LDLRAD4: variants seen among roughly 807,000 people sequenced by gnomAD.
The protein encoded by LDLRAD4 is low density lipoprotein receptor class A domain containing 4, also known as low-density lipoprotein receptor class A domain-containing protein 4.
A neutral mutation model predicts 17.0 loss-of-function variants in LDLRAD4; 5 were observed. The ratio of observed to expected loss-of-function variants is 0.29; its 90% CI spans 0.15 to 0.62. The LOEUF is 0.62. Among genes scored for constraint, LDLRAD4 ranks in the 20% least tolerant of loss-of-function variants. The pLI, the probability that LDLRAD4 is intolerant of heterozygous loss-of-function variation, is 0.84. For synonymous variants in LDLRAD4, 168 were observed against 171.8 expected (o/e 0.98, Z 0.17); for missense variants, 340 against 424.7 (o/e 0.80, Z 1.75).
chr18:13,504,005 GTCC>G (rs1392472925), intron 3 of LDLRAD4, among the ~76,000 whole-genome samples: 1 of 152,066 alleles, frequency 6.6e-6, no homozygotes, highest in East Asian at 1.9e-4. Flanking sequence ...AACTCATGTA[GTCC>G]TCCTCACAGC....
In LDLRAD4 at chr18:13,443,241, G is replaced by A. The variant is rs77426628; in HGVS notation, c.181+4857G>A. ...TCCGAAACCAGCTCTTCCCACCTTC[G>A]TCATTTTTTCTCCCAAAGAGACTGG... On this transcript the variant is annotated intron_variant, in intron 3 of 5. Transcript: ENST00000359446. Among the ~76,000 whole-genome samples, 9 of 152,090 alleles carry A rather than the reference G, an allele frequency of 5.9e-5. No individual in the cohort carries two copies. The South Asian group carries it at 1.2e-3, about 21-fold the overall frequency.
intron 2 of LDLRAD4, among the ~76,000 whole-genome samples, chr18:13,424,342 G>C (rs1017386008): frequency 2.0e-5 from 3 of 152,130 alleles, no homozygotes; most frequent in African/African-American, 7.2e-5. Context: ...TTCTTCTTTA[G>C]CTTGTGTGTC....
At chr18:13,599,625 G>A (rs1809660262) in intron 3 of LDLRAD4, among the ~76,000 whole-genome samples, 1 of 151,700 alleles carries the variant, frequency 6.6e-6, no homozygotes, top group Non-Finnish European at 1.5e-5. Context: ...TGAGTGGCTG[G>A]GACTACAGGC....
intron 1 of LDLRAD4, among the ~76,000 whole-genome samples, chr18:13,315,656 C>T (rs1253777712): frequency 2.8e-5 from 4 of 141,586 alleles, no homozygotes; most frequent in African/African-American, 5.5e-5. Context: ...TGGTGGCACA[C>T]GTCTGTAATC....
At chr18:13,586,962 G>A (rs909147617) in intron 3 of LDLRAD4, among the ~76,000 whole-genome samples, 5 of 152,118 alleles carry the variant, frequency 3.3e-5, no homozygotes, top group African/African-American at 1.2e-4. Context: ...AAAGGGGTTG[G>A]GAGTTCCAAG....
intron 4 of LDLRAD4, chr18:13,642,633 G>A: frequency 8.1e-7 from 1 of 1,231,038 alleles, no homozygotes; most frequent in Non-Finnish European, 1.0e-6. Context: ...CTCTGCTGGA[G>A]GCCGGGCAGG....
intron 1 of LDLRAD4, among the ~76,000 whole-genome samples, chr18:13,318,947 C>T (rs112198661): frequency 0.015 from 2,358 of 152,266 alleles, 39 homozygotes; most frequent in African/African-American, 0.039. Flanking sequence ...TCCTTTGTTG[C>T]GCAGCTTTCT....
At chr18:13,418,811 A>G (rs77339539) in intron 2 of LDLRAD4, among the ~76,000 whole-genome samples, 3,362 of 152,300 alleles carry the variant, frequency 0.022, 69 homozygotes, top group African/African-American at 0.054. Context: ...TGCTCCAGAG[A>G]ATAGAAGCTA....
At chr18:13,605,215 C>T (rs939540557) in intron 3 of LDLRAD4, among the ~76,000 whole-genome samples, 3 of 152,174 alleles carry the variant, frequency 2.0e-5, no homozygotes, top group African/African-American at 7.2e-5. Flanking sequence ...AGTGTCTCAA[C>T]ACTAGAGCCT....
chr18:13,542,097 C>G (rs542061919), intron 3 of LDLRAD4, among the ~76,000 whole-genome samples: 62 of 152,276 alleles, frequency 4.1e-4, no homozygotes, highest in African/African-American at 1.4e-3. Context: ...AAAGGTCACT[C>G]TCTACTCAAG....
chr18:13,417,437 T>TTC (rs1389749436), intron 2 of LDLRAD4, among the ~76,000 whole-genome samples: 1 of 146,826 alleles, frequency 6.8e-6, no homozygotes, highest in African/African-American at 2.5e-5. Flanking sequence ...CTGTTTTTCT[T>TTC]TTTTTTTTTT....
chr18:13,309,404 TC>T (rs550407239), intron 1 of LDLRAD4, among the ~76,000 whole-genome samples: 36 of 152,300 alleles, frequency 2.4e-4, no homozygotes, highest in Admixed American at 3.3e-4. Context: ...TGCATTCCAG[TC>T]CCAATTTCTC....
chr18:13,292,883 C>A (rs2046044470), intron 1 of LDLRAD4, among the ~76,000 whole-genome samples: 2 of 152,202 alleles, frequency 1.3e-5, no homozygotes, highest in South Asian at 2.1e-4. Flanking sequence ...GGAGAGAGAT[C>A]TAGGAGTTTT....
intron 1 of LDLRAD4, among the ~76,000 whole-genome samples, chr18:13,363,427 C>T (rs530203193): frequency 1.3e-5 from 2 of 151,298 alleles, no homozygotes; most frequent in African/African-American, 4.9e-5. Context: ...CAGGCTGCGC[C>T]GGGGAAAGGG....
In LDLRAD4 at chr18:13,317,266, C is replaced by T. The variant is rs138884555; in HGVS notation, c.-383+39078C>T. On this transcript the variant is annotated intron_variant, in intron 1 of 5. Transcript: ENST00000359446. ...AAAGATATTTCTTAAATTGCCCCTA[C>T]ACGTATCCTAAGCTCTCAGGGATAG... Among the ~76,000 whole-genome samples the T allele has an allele frequency of 4.0e-3, 616 of 152,320 alleles. 5 individuals are homozygous for T. The highest frequency in any genetic ancestry group is 4.0e-3 in the Non-Finnish European group (274 of 68,032).
At chr18:13,274,106 G>A (rs1475816383), upstream of LDLRAD4, among the ~76,000 whole-genome samples, 1 of 152,190 alleles carries the variant, frequency 6.6e-6, no homozygotes, top group Non-Finnish European at 1.5e-5. Context: ...CTCCTCGGTG[G>A]CTTCCTCTTG....
At chr18:13,640,344 G>A (rs1411814240) in intron 4 of LDLRAD4, among the ~76,000 whole-genome samples, 2 of 151,122 alleles carry the variant, frequency 1.3e-5, no homozygotes, top group South Asian at 2.1e-4. Context: ...TGATGGGACT[G>A]TAGATGCATT....
At chr18:13,635,961 G>A (rs1335863324) in intron 4 of LDLRAD4, among the ~76,000 whole-genome samples, 2 of 151,398 alleles carry the variant, frequency 1.3e-5, no homozygotes, top group East Asian at 1.9e-4. Context: ...GTGTGTGTGT[G>A]TGTGTGTGAT....
At chr18:13,601,689 G>A (rs2095165257) in intron 3 of LDLRAD4, among the ~76,000 whole-genome samples, 1 of 151,772 alleles carries the variant, frequency 6.6e-6, no homozygotes. Flanking sequence ...AAAAGAAAAG[G>A]GAACACTTAC....
Sources: allele counts gnomAD v4.1 joint callset (sites outside exome capture counted in the v4.1 genomes callset), GRCh38; gene constraint gnomAD v4.1.1; transcripts MANE v1.5; gene names NCBI Gene and HGNC (gene_info 2026-07-23, HGNC 2026-07-21).